Variants in CACNG8 observed in about 807,000 individuals in gnomAD.
CACNG8 encodes the protein voltage-dependent calcium channel gamma-8 subunit.
In CACNG8, 5 loss-of-function variants were observed where a neutral mutation model predicts 26.9. The observed-to-expected ratio is 0.19, with a 90% CI of 0.10 to 0.39. The LOEUF is 0.39. Among genes scored for constraint, CACNG8 ranks in the 10% least tolerant of loss-of-function variants. The pLI, the probability that CACNG8 is intolerant of heterozygous loss-of-function variation, is 1.00. For missense variants in CACNG8, 473 were observed against 609.4 expected, an observed-to-expected ratio of 0.78 and a Z score of 2.36; for synonymous variants, 321 against 296.7, an observed-to-expected ratio of 1.08 and a Z score of -0.84.
chr19:53,980,705 C>T (rs536067168), intron 3 of CACNG8, among the ~76,000 whole-genome samples: 1 of 152,268 alleles, frequency 6.6e-6, no homozygotes, highest in South Asian at 2.1e-4. Flanking sequence ...CCGACCAAAG[C>T]CAGTCAGTAC....
intron 1 of CACNG8, among the ~76,000 whole-genome samples, chr19:53,973,799 C>G (rs1249766544): frequency 1.3e-5 from 2 of 151,976 alleles, no homozygotes; most frequent in African/African-American, 4.8e-5. Context: ...GCACTCCAGC[C>G]TGGTCGACAG....
intron 1 of CACNG8, among the ~76,000 whole-genome samples, chr19:53,975,908 T>C (rs2069328119): frequency 2.0e-5 from 3 of 152,202 alleles, no homozygotes; most frequent in Admixed American, 2.0e-4. Context: ...GAGTACTTAA[T>C]TGTGTTCAAG....
chr19:53,972,939 G>A (rs1305033384), intron 1 of CACNG8, among the ~76,000 whole-genome samples: 1 of 152,124 alleles, frequency 6.6e-6, no homozygotes, highest in African/African-American at 2.4e-5. Flanking sequence ...CCCCAATAGG[G>A]CTTTGGGCAA....
intron 3 of CACNG8, among the ~76,000 whole-genome samples, chr19:53,981,440 TAGACC>T (rs1568802287): frequency 6.6e-6 from 1 of 151,346 alleles, no homozygotes; most frequent in Non-Finnish European, 1.5e-5. Context: ...GGGTGGGGTT[TAGACC>T]AGCAGAGTTG....
chr19:53,982,780 C>G lies in CACNG8; in HGVS notation c.1209C>G (p.Pro403=). 3 of 1,348,252 alleles carry G rather than the reference C, an allele frequency of 2.2e-6. No homozygotes were observed. The highest frequency in any genetic ancestry group is 2.9e-6 in the Non-Finnish European group (3 of 1,043,596). The allele number at this position is 1,348,252 out of a possible 1,614,324, so 83.5% of individuals were successfully genotyped here. A position where few individuals can be genotyped will look rare whatever the true frequency, so the allele number is the denominator to read the frequency against. ...CACCCGCGCCCTCTGCGCCCGCCCCCGGGACCCTGGCCAAGGAGGCCGCCG... is the reference window on the plus strand; with the variant it reads ...CACCCGCGCCCTCTGCGCCCGCCCCGGGGACCCTGGCCAAGGAGGCCGCCG... Residue 403 remains proline, a synonymous_variant, in exon 4 of 4, where the codon CCC becomes CCG. Transcript: ENST00000270458. This position sits in a 1 kb window ranked among gnomAD's most constrained non-coding sequence, Gnocchi z 8.4.
chr19:53,965,990 G>A (rs545567435), intron 1 of CACNG8, among the ~76,000 whole-genome samples: 59 of 152,224 alleles, frequency 3.9e-4, no homozygotes, highest in African/African-American at 1.3e-3. Context: ...CAGCGTGGCC[G>A]GGGCAGAGTG....
intron 1 of CACNG8, among the ~76,000 whole-genome samples, chr19:53,977,062 C>T (rs762243298): frequency 2.0e-4 from 31 of 152,350 alleles, no homozygotes; most frequent in Non-Finnish European, 1.6e-4. Flanking sequence ...CCATGCCCTA[C>T]CCCCTCCAGG....
chr19:53,969,426 CT>C (rs535359558), intron 1 of CACNG8, among the ~76,000 whole-genome samples: 9,324 of 139,960 alleles, frequency 0.067, 864 homozygotes, highest in African/African-American at 0.22. Context: ...GATTTGTTTA[CT>C]TTTTTTTTTT....
At position 53,985,382 on chromosome 19, in the gene CACNG8, G is replaced by C. The variant is rs1198325363; in HGVS notation, c.*2533G>C. ...AGAATTTCTCTCCGAGGCCTGTGTG[G>C]AAGGACCAGGAAGAGAGAGACTGAA... On this transcript the variant is annotated 3_prime_UTR_variant, in exon 4 of 4. Coordinates refer to ENST00000270458, the MANE Select transcript of CACNG8 (RefSeq NM_031895.6). 6.6e-6 allele frequency: 1 copy of C among 152,250 alleles called. No homozygotes were observed. Among genetic ancestry groups the C allele is most frequent in the African/African-American group, 2.4e-5 (1 of 41,446 alleles). The allele number at this position is 152,250 out of a possible 1,614,324, so 9.4% of individuals were successfully genotyped here.
chr19:53,966,395 G>A (rs2069272660), intron 1 of CACNG8, among the ~76,000 whole-genome samples: 1 of 151,836 alleles, frequency 6.6e-6, no homozygotes, highest in Non-Finnish European at 1.5e-5. Context: ...GCCAGCTTCT[G>A]TGTTTGTTTT....
chr19:53,988,980 C>T lies in CACNG8; in HGVS notation c.*6131C>T, dbSNP rs2069423787. The T allele has an allele frequency of 6.6e-6, 1 of 152,212 alleles. No homozygotes were observed. The highest frequency in any genetic ancestry group is 1.5e-5 in the Non-Finnish European group (1 of 68,076). The allele number at this position is 152,212 out of a possible 1,614,324, so 9.4% of individuals were successfully genotyped here. A position where few individuals can be genotyped will look rare whatever the true frequency, so the allele number is the denominator to read the frequency against. ...AACATTCACTCAGTTCTTGGAAATA[C>T]TTTCTGGCCAGGCTTGGGGGCTCAT... is the stretch of plus-strand genomic sequence containing the variant. On this transcript the variant is annotated 3_prime_UTR_variant, in exon 4 of 4. Coordinates refer to ENST00000270458, the MANE Select transcript of CACNG8 (RefSeq NM_031895.6).
chr19:53,967,249 A>G (rs2069276703), intron 1 of CACNG8, among the ~76,000 whole-genome samples: 1 of 152,188 alleles, frequency 6.6e-6, no homozygotes, highest in South Asian at 2.1e-4. Context: ...TCCTGAGAAT[A>G]GGGGAGCCAT....
At chr19:53,976,268 C>T (rs766011672) in intron 1 of CACNG8, among the ~76,000 whole-genome samples, 1 of 152,186 alleles carries the variant, frequency 6.6e-6, no homozygotes, top group Non-Finnish European at 1.5e-5. Context: ...GCAGGAGGAC[C>T]ACTTGAGCCC....
intron 3 of CACNG8, 126 bp downstream of exon 3, chr19:53,980,133 C>A: frequency 9.2e-7 from 1 of 1,083,004 alleles, no homozygotes; most frequent in Non-Finnish European, 1.2e-6. Context: ...TCTGCAAAGC[C>A]ACCTTGCCCC....
In CACNG8 at chr19:53,963,065, C is replaced by T. The variant is rs534863097; in HGVS notation, c.-78C>T. 42 of 874,976 alleles carry T rather than the reference C, an allele frequency of 4.8e-5. No homozygotes were observed. The highest frequency in any genetic ancestry group is 5.6e-5 in the Non-Finnish European group (36 of 638,686). The allele number at this position is 874,976 out of a possible 1,614,324, so 54.2% of individuals were successfully genotyped here. Reference sequence around the variant, plus strand: ...CCCCGCTTCTGCCTGCGCTGTGAACCCCCCCCCAGCCGCCGGCACGGCCCC... The same window carrying T: ...CCCCGCTTCTGCCTGCGCTGTGAACTCCCCCCCAGCCGCCGGCACGGCCCC... On this transcript the variant is annotated 5_prime_UTR_variant, in exon 1 of 4. Transcript: ENST00000270458.
At position 53,984,024 on chromosome 19, in the gene CACNG8, G is replaced by A. The variant is rs999131732; in HGVS notation, c.*1175G>A. 4 of 152,388 alleles carry A rather than the reference G, an allele frequency of 2.6e-5. No homozygotes were observed. The highest frequency in any genetic ancestry group is 5.9e-5 in the Non-Finnish European group (4 of 68,098). The allele number at this position is 152,388 out of a possible 1,614,324, so 9.4% of individuals were successfully genotyped here. A position where few individuals can be genotyped will look rare whatever the true frequency, so the allele number is the denominator to read the frequency against. Reference sequence around the variant, plus strand: ...CAGGAACTCGGAGGCAAGAGTAGGAGGCAGAGATGTGCTGAAATACAGCAT... The same window carrying A: ...CAGGAACTCGGAGGCAAGAGTAGGAAGCAGAGATGTGCTGAAATACAGCAT... On this transcript the variant is annotated 3_prime_UTR_variant, in exon 4 of 4. Transcript: ENST00000270458.
At chr19:53,971,988 A>G (rs755464278) in intron 1 of CACNG8, among the ~76,000 whole-genome samples, 9 of 151,974 alleles carry the variant, frequency 5.9e-5, no homozygotes, top group Non-Finnish European at 1.2e-4. Flanking sequence ...TTCTGTGCCT[A>G]ACTTCCTTTT....
intron 1 of CACNG8, among the ~76,000 whole-genome samples, chr19:53,977,633 CG>C (rs1266811776): frequency 2.6e-5 from 4 of 152,200 alleles, no homozygotes; most frequent in African/African-American, 9.6e-5. Context: ...TGATCCACTG[CG>C]GCTGCTCTTC....
chr19:53,982,651 G>T lies in CACNG8; in HGVS notation c.1080G>T (p.Gly360=), dbSNP rs1372099437. 1.9e-6 allele frequency: 2 copies of T among 1,061,326 alleles called. No homozygotes were observed. The highest frequency in any genetic ancestry group is 2.3e-6 in the Non-Finnish European group (2 of 880,784). The allele number at this position is 1,061,326 out of a possible 1,614,324, so 65.7% of individuals were successfully genotyped here. ...GGGCGGGTGCCGAGCGGGACCGCGG[G>T]GGGGCGTCCGGCTTCCTCACGCTGC... is the stretch of plus-strand genomic sequence containing the variant. Residue 360 remains glycine, a synonymous_variant, in exon 4 of 4, where the codon GGG becomes GGT. Transcript: ENST00000270458. This position sits in a 1 kb window ranked among gnomAD's most constrained non-coding sequence, Gnocchi z 8.4.
Sources: allele counts gnomAD v4.1 joint callset (sites outside exome capture counted in the v4.1 genomes callset), GRCh38; gene constraint gnomAD v4.1.1; non-coding constraint Gnocchi (gnomAD v3.1); transcripts MANE v1.5; gene names NCBI Gene and HGNC (gene_info 2026-07-23, HGNC 2026-07-21).